Variants in GNA12 observed in about 807,000 individuals in gnomAD.
The protein encoded by GNA12 is guanine nucleotide-binding protein subunit alpha-12.
Under a neutral mutation model 26.0 loss-of-function variants are expected in GNA12, and 9 were observed. That is an observed-to-expected ratio of 0.35 (90% confidence interval 0.21 to 0.60). The LOEUF is 0.60. Among genes scored for constraint, GNA12 ranks in the 20% least tolerant of loss-of-function variants. GNA12 has a pLI of 0.78. For synonymous variants in GNA12, 264 were observed against 219.6 expected, an observed-to-expected ratio of 1.20 and a Z score of -1.79; for missense variants, 405 against 525.8, an observed-to-expected ratio of 0.77 and a Z score of 2.25.
intron 1 of GNA12, among the ~76,000 whole-genome samples, chr7:2,812,046 G>A (rs532181331): frequency 7.2e-5 from 11 of 152,204 alleles, no homozygotes; most frequent in Non-Finnish European, 1.0e-4. Context: ...AAGAGAACCC[G>A]CGTTTCACGC....
At chr7:2,775,615 T>C (rs1169662998) in intron 2 of GNA12, 1 of 152,204 alleles carries the variant, frequency 6.6e-6, no homozygotes, top group Non-Finnish European at 1.5e-5. Flanking sequence ...GAAACTTGGA[T>C]ACTAAACGCC....
At chr7:2,738,802 C>T (rs998772862) in intron 2 of GNA12, among the ~76,000 whole-genome samples, 1 of 152,202 alleles carries the variant, frequency 6.6e-6, no homozygotes, top group African/African-American at 2.4e-5. Flanking sequence ...GAGGCGGAAC[C>T]TAGAATTCTG....
intron 2 of GNA12, among the ~76,000 whole-genome samples, chr7:2,748,284 A>G (rs939353115): frequency 2.0e-5 from 3 of 152,176 alleles, no homozygotes; most frequent in Non-Finnish European, 4.4e-5. Context: ...AGTAACCAAA[A>G]CAGCATGGTA....
intron 2 of GNA12, among the ~76,000 whole-genome samples, chr7:2,772,973 C>A (rs966353740): frequency 1.3e-5 from 2 of 152,130 alleles, no homozygotes; most frequent in South Asian, 4.2e-4. Context: ...AATACCAATC[C>A]ACGTAGCAAC....
At chr7:2,756,649 G>C (rs1791311962) in intron 2 of GNA12, among the ~76,000 whole-genome samples, 2 of 152,192 alleles carry the variant, frequency 1.3e-5, no homozygotes, top group South Asian at 4.1e-4. Flanking sequence ...GAGGATCTGT[G>C]TGATCTTGGG....
intron 2 of GNA12, among the ~76,000 whole-genome samples, chr7:2,737,324 T>C (rs1371495185): frequency 8.2e-6 from 1 of 121,622 alleles, no homozygotes; most frequent in Non-Finnish European, 1.6e-5. Flanking sequence ...AGTCTCGCCC[T>C]GTCGCCCCGG....
At chr7:2,770,306 G>A (rs1296982667) in intron 2 of GNA12, among the ~76,000 whole-genome samples, 1 of 152,092 alleles carries the variant, frequency 6.6e-6, no homozygotes, top group Non-Finnish European at 1.5e-5. Context: ...TGTCCCGTTT[G>A]GAAATTAAAT....
At chr7:2,773,605 C>T (rs572873909) in intron 2 of GNA12, among the ~76,000 whole-genome samples, 13 of 152,244 alleles carry the variant, frequency 8.5e-5, no homozygotes, top group Non-Finnish European at 1.6e-4. Context: ...TACCTCTACA[C>T]GGCCACCAGA....
At chr7:2,818,561 G>A (rs899433056) in intron 1 of GNA12, among the ~76,000 whole-genome samples, 1 of 152,142 alleles carries the variant, frequency 6.6e-6, no homozygotes, top group East Asian at 1.9e-4. Context: ...TCAGGAGTTC[G>A]AGACCAGCCT....
At chr7:2,825,015 C>A (rs1319758652) in intron 1 of GNA12, among the ~76,000 whole-genome samples, 1 of 152,208 alleles carries the variant, frequency 6.6e-6, no homozygotes, top group South Asian at 2.1e-4. Context: ...TGGACAGACA[C>A]CTGGCTTGCC....
intron 2 of GNA12, among the ~76,000 whole-genome samples, chr7:2,779,862 T>A (rs1264586144): frequency 6.6e-6 from 1 of 151,874 alleles, no homozygotes; most frequent in Non-Finnish European, 1.5e-5. Context: ...CCTCCCAAAG[T>A]GGTGGGATTA....
chr7:2,742,354 G>T (rs950773427), intron 2 of GNA12, among the ~76,000 whole-genome samples: 13 of 152,120 alleles, frequency 8.5e-5, no homozygotes, highest in African/African-American at 2.7e-4. Context: ...GCCTCCCACG[G>T]CCCTTGGGGT....
At chr7:2,746,974 A>C (rs1173809707) in intron 2 of GNA12, among the ~76,000 whole-genome samples, 7 of 152,242 alleles carry the variant, frequency 4.6e-5, no homozygotes, top group Non-Finnish European at 1.0e-4. Context: ...ACCAGGAAGA[A>C]GTTGAATCTC....
At chr7:2,817,858 A>G (rs1393888341) in intron 1 of GNA12, among the ~76,000 whole-genome samples, 5 of 152,186 alleles carry the variant, frequency 3.3e-5, no homozygotes, top group Admixed American at 2.6e-4. Context: ...GTTAATTATC[A>G]TCTCCTCCTT....
intron 2 of GNA12, among the ~76,000 whole-genome samples, chr7:2,771,989 C>T (rs1791959889): frequency 6.6e-6 from 1 of 152,204 alleles, no homozygotes; most frequent in South Asian, 2.1e-4. Context: ...TGTGGTGTCT[C>T]ACCACGGTGT....
Position 2,792,838 on chromosome 7 carries a change from C to T in GNA12, c.525+2090G>A, listed in dbSNP as rs1792554946. On this transcript the variant is annotated intron_variant, in intron 2 of 3. Transcript: ENST00000275364. Reference sequence around the variant, plus strand: ...CTTAAGATGCCCTGGAGGACATTAACATTTACAGGCAAAAGCCTGAGGAGA... The same window carrying T: ...CTTAAGATGCCCTGGAGGACATTAATATTTACAGGCAAAAGCCTGAGGAGA... Among the ~76,000 whole-genome samples the T allele has an allele frequency of 2.0e-5, 3 of 152,210 alleles. No individual in the cohort carries two copies. In the South Asian group the frequency reaches 6.2e-4, roughly 31 times the overall value.
At chr7:2,800,710 G>A (rs965339388) in intron 1 of GNA12, among the ~76,000 whole-genome samples, 2 of 152,238 alleles carry the variant, frequency 1.3e-5, no homozygotes. Context: ...CCTAACTGGA[G>A]GTGGGCCTCA....
At chr7:2,756,044 T>C (rs1440951012) in intron 2 of GNA12, among the ~76,000 whole-genome samples, 1 of 152,196 alleles carries the variant, frequency 6.6e-6, no homozygotes, top group Non-Finnish European at 1.5e-5. Context: ...GTTTTCATAA[T>C]ACCAACTTTC....
chr7:2,805,829 A>G (rs533579426), intron 1 of GNA12, among the ~76,000 whole-genome samples: 1 of 152,308 alleles, frequency 6.6e-6, no homozygotes, highest in Non-Finnish European at 1.5e-5. Flanking sequence ...TCACTCATCT[A>G]CGCTATCTTG....
Sources: gnomAD v4.1 joint callset for allele counts (sites outside exome capture counted in the v4.1 genomes callset) on GRCh38, gnomAD v4.1.1 for gene constraint, MANE v1.5 for transcripts, NCBI Gene and HGNC (gene_info 2026-07-23, HGNC 2026-07-21) for gene names.